Variants in STARD4 observed in about 807,000 individuals in gnomAD.
STARD4 encodes stAR-related lipid transfer protein 4.
In STARD4, 33 loss-of-function variants were observed where a neutral mutation model predicts 24.9. The observed-to-expected ratio is 1.32, with a 90% CI of 1.00 to 1.77. The LOEUF (loss-of-function observed/expected upper bound fraction) is 1.77. Ranked by LOEUF, STARD4 falls within the 40% of genes most tolerant of loss-of-function variation. STARD4 has a pLI of 0.00. For missense variants in STARD4, 238 were observed against 249.3 expected, an observed-to-expected ratio of 0.95 and a Z score of 0.31; for synonymous variants, 88 against 77.4, an observed-to-expected ratio of 1.14 and a Z score of -0.72.
At chr5:111,503,351 C>T (rs1486207457) in intron 3 of STARD4, among the ~76,000 whole-genome samples, 1 of 152,172 alleles carries the variant, frequency 6.6e-6, no homozygotes, top group Non-Finnish European at 1.5e-5. Context: ...GTAAAATGGG[C>T]CAGGCGCGGT....
At chr5:111,500,211 A>G in intron 5 of STARD4, 105 bp from the exon 6 acceptor site, 1 of 1,385,836 alleles carries the variant, frequency 7.2e-7, no homozygotes, top group East Asian at 2.6e-5. Flanking sequence ...ATTATTATCC[A>G]TATAGATGAA....
intron 3 of STARD4, chr5:111,505,042 C>T (rs140721661): frequency 4.5e-6 from 2 of 447,176 alleles, no homozygotes; most frequent in African/African-American, 4.1e-5. Flanking sequence ...CCCTTTAAGA[C>T]TCTGAAAAAA....
intron 3 of STARD4, among the ~76,000 whole-genome samples, chr5:111,502,738 A>G (rs2112550257): frequency 6.6e-6 from 1 of 152,066 alleles, no homozygotes; most frequent in East Asian, 1.9e-4. Flanking sequence ...GGTTGAGGTG[A>G]GCCGAGATCA....
chr5:111,500,404 C>CA, intron 5 of STARD4: 10 of 1,100,212 alleles, frequency 9.1e-6, no homozygotes, highest in Non-Finnish European at 1.1e-5. Flanking sequence ...CTTGAGGTGC[C>CA]AAAAATCAAA....
intron 3 of STARD4, among the ~76,000 whole-genome samples, chr5:111,502,909 C>T (rs1188757111): frequency 1.3e-5 from 2 of 151,874 alleles, no homozygotes; most frequent in East Asian, 3.9e-4. Context: ...ACCCTTCGTC[C>T]TCAAATCTAA....
chr5:111,505,063 T>G (rs765694196), intron 3 of STARD4: 1 of 452,608 alleles, frequency 2.2e-6, no homozygotes, highest in Non-Finnish European at 4.4e-6. Flanking sequence ...AAAAAACCAG[T>G]GTTTCTCATA....
rs1756134994 is a variant in STARD4, at chr5:111,497,019, C to G, written c.*2867G>C. On this transcript the variant is annotated 3_prime_UTR_variant, in exon 6 of 6. Coordinates refer to ENST00000296632, the MANE Select transcript of STARD4 (RefSeq NM_139164.3). ...ACTAATATTTCATGCAAAAGTATCA[C>G]TTTTATAATAATCTTTTTCTTGTAT... The G allele has an allele frequency of 1.3e-5, 2 of 151,760 alleles. No homozygotes were observed. 9.4% of individuals were successfully genotyped at this position (151,760 alleles called of 1,614,324 possible).
chr5:111,499,718 T>C lies in STARD4; in HGVS notation c.*168A>G, dbSNP rs1756284974. Reference sequence around the variant, plus strand: ...AAAAAAAAAGTGAAAATGCCCTCTCTTAGATAGCTATTTACTTTAGGAATA... The same window carrying C: ...AAAAAAAAAGTGAAAATGCCCTCTCCTAGATAGCTATTTACTTTAGGAATA... On this transcript the variant is annotated 3_prime_UTR_variant, in exon 6 of 6. Coordinates refer to ENST00000296632, the MANE Select transcript of STARD4 (RefSeq NM_139164.3). The C allele has an allele frequency of 3.1e-6, 2 of 641,748 alleles. No individual in the cohort carries two copies. The highest frequency in any genetic ancestry group is 3.7e-5 in the African/African-American group (2 of 54,306). 39.8% of individuals were successfully genotyped at this position (641,748 alleles called of 1,614,324 possible). A position where few individuals can be genotyped will look rare whatever the true frequency, so the allele number is the denominator to read the frequency against.
chr5:111,499,618 A>AGCTGCAGTGAGCTGTGATCATACC lies in STARD4; in HGVS notation c.*244_*267dup. 2.3e-6 allele frequency: 1 copy of AGCTGCAGTGAGCTGTGATCATACC among 427,542 alleles called. No homozygotes were observed. The highest frequency in any genetic ancestry group is 4.2e-6 in the Non-Finnish European group (1 of 236,218). 26.5% of individuals were successfully genotyped at this position (427,542 alleles called of 1,614,324 possible). ...ATAACCCCTTGAGCGGTCAGATCAA[A>AGCTGCAGTGAGCTGTGATCATACC]GCTGCAGTGAGCTGTGATCATACCA... On this transcript the variant is annotated 3_prime_UTR_variant, in exon 6 of 6. Transcript: ENST00000296632.
chr5:111,501,305 G>A (rs1211703223), intron 4 of STARD4, among the ~76,000 whole-genome samples, 189 bp from the exon 5 acceptor site: 1 of 152,182 alleles, frequency 6.6e-6, no homozygotes, highest in Non-Finnish European at 1.5e-5. Flanking sequence ...TGGCCATGAA[G>A]AAGATATATA....
intron 1 of STARD4, among the ~76,000 whole-genome samples, chr5:111,509,408 T>C (rs1052430840): frequency 6.6e-6 from 1 of 152,110 alleles, no homozygotes; most frequent in Non-Finnish European, 1.5e-5. Context: ...CTAGAAGAGA[T>C]GAGAATCTGC....
rs1756309513 is a variant in STARD4, at chr5:111,499,973, C to T, written c.531G>A (p.Leu177=). Residue 177 remains leucine (L), a synonymous_variant, in exon 6 of 6, where the codon CTG becomes CTA. Transcript: ENST00000296632. The stretch of plus-strand genomic sequence containing the variant: ...CCGCAGACTGAGGAATCATCCCACG[C>T]AGATCTGTCTGAATATATCCTGTCA... ...SLLTGYIQTD[L]RGMIPQSAVD... 7 of 1,614,172 alleles carry T rather than the reference C, an allele frequency of 4.3e-6. No homozygotes were observed. The highest frequency in any genetic ancestry group is 5.9e-6 in the Non-Finnish European group (7 of 1,180,022).
rs867734545 is a variant in STARD4 at position 111,496,939 on chromosome 5, T to A, written c.*2947A>T. On this transcript the variant is annotated 3_prime_UTR_variant, in exon 6 of 6. Transcript: ENST00000296632. ...CTACAGAATACTAGATTCTCATTATTTTTTTTTGAGTACTGTTTTAAACTT... is the reference window on the plus strand; with the variant it reads ...CTACAGAATACTAGATTCTCATTATATTTTTTTGAGTACTGTTTTAAACTT... 2 of 151,340 alleles carry A rather than the reference T, an allele frequency of 1.3e-5. No homozygotes were observed. Among genetic ancestry groups the A allele is most frequent in the Admixed American group, 6.6e-5 (1 of 15,218 alleles). The allele number at this position is 151,340 out of a possible 1,614,324, so 9.4% of individuals were successfully genotyped here.
chr5:111,500,220 A>G, intron 5 of STARD4, 114 bp from the exon 6 acceptor site: 1 of 1,384,734 alleles, frequency 7.2e-7, no homozygotes, highest in Non-Finnish European at 9.3e-7. Flanking sequence ...CATATAGATG[A>G]AAATTAAATC....
rs79154786 is a variant in STARD4 at position 111,506,924 on chromosome 5, G to A, written c.105+405C>T. 3.4e-3 allele frequency among the ~76,000 whole-genome samples: 517 copies of A among 152,244 alleles called. 23 individuals carry two copies. In the East Asian group the frequency reaches 0.087, roughly 26 times the overall value. On this transcript the variant is annotated intron_variant, in intron 2 of 5. Coordinates refer to ENST00000296632, the MANE Select transcript of STARD4 (RefSeq NM_139164.3). Reference sequence around the variant, plus strand: ...CAACACTCAAGTCACCTATGTAATAGTTTGGGCAAGTCACATTAGTAAAAA... The same window carrying A: ...CAACACTCAAGTCACCTATGTAATAATTTGGGCAAGTCACATTAGTAAAAA...
In STARD4 at chr5:111,512,494, G is replaced by GACAGCAGCCA. The variant is rs1353020457; in HGVS notation, c.-129_-120dup. On this transcript the variant is annotated 5_prime_UTR_variant, in exon 1 of 6. Transcript: ENST00000296632. ...CCTCCCGGCCCGCCGATGCGCAGGCGACAGCAGCCAACTTGTAAGTCACCG... is the reference window on the plus strand; with the variant it reads ...CCTCCCGGCCCGCCGATGCGCAGGCGACAGCAGCCAACAGCAGCCAACTTGTAAGTCACCG... 1 of 152,668 alleles carries GACAGCAGCCA rather than the reference G, an allele frequency of 6.6e-6. No individual in the cohort carries two copies. The highest frequency in any genetic ancestry group is 1.5e-5 in the Non-Finnish European group (1 of 68,414). 9.5% of individuals were successfully genotyped at this position (152,668 alleles called of 1,614,324 possible). A position where few individuals can be genotyped will look rare whatever the true frequency, so the allele number is the denominator to read the frequency against.
intron 5 of STARD4, 184 bp downstream of exon 5, chr5:111,500,818 A>G: frequency 6.7e-7 from 1 of 1,494,320 alleles, no homozygotes; most frequent in Non-Finnish European, 8.8e-7. Context: ...AAAACTTATC[A>G]GAAGGGTTTC....
In STARD4 at chr5:111,497,470, G is replaced by A. The variant is rs1756159624; in HGVS notation, c.*2416C>T. 6.6e-6 allele frequency: 1 copy of A among 151,968 alleles called. No homozygotes were observed. The highest frequency in any genetic ancestry group is 6.6e-5 in the Admixed American group (1 of 15,256). 9.4% of individuals were successfully genotyped at this position (151,968 alleles called of 1,614,324 possible). A position where few individuals can be genotyped will look rare whatever the true frequency, so the allele number is the denominator to read the frequency against. The stretch of plus-strand genomic sequence containing the variant: ...CATGTGGCTAATGAGCACTTAAAAT[G>A]TGGCTTGCCCAAATTTGTAAAATGC... On this transcript the variant is annotated 3_prime_UTR_variant, in exon 6 of 6. Coordinates refer to ENST00000296632, the MANE Select transcript of STARD4 (RefSeq NM_139164.3).
At chr5:111,505,183 A>G (rs152883) in intron 3 of STARD4, 55,154 of 340,734 alleles carry the variant, frequency 0.16, 4,962 homozygotes, top group African/African-American at 0.25. Context: ...TTAGTTCTCT[A>G]TGAAGTCTTT....
Sources: gnomAD v4.1 joint callset for allele counts (sites outside exome capture counted in the v4.1 genomes callset) on GRCh38, gnomAD v4.1.1 for gene constraint, MANE v1.5 for transcripts, NCBI Gene and HGNC (gene_info 2026-07-23, HGNC 2026-07-21) for gene names.